The following VPS13B variants were observed in gnomAD, a reference collection of about 807,000 sequenced individuals.
VPS13B encodes the protein vacuolar protein sorting 13 homolog B.
In VPS13B, 285 loss-of-function variants were observed where a neutral mutation model predicts 426.4. The ratio of observed to expected loss-of-function variants is 0.67; its 90% CI spans 0.61 to 0.74. The LOEUF is 0.74. Among genes scored for constraint, VPS13B ranks in the 30% least tolerant of loss-of-function variants. The pLI is 0.00. For synonymous variants in VPS13B, 1,676 were observed against 1,676.4 expected, an observed-to-expected ratio of 1.00 and a Z score of 0.01; for missense variants, 4,537 against 4,782.6, an observed-to-expected ratio of 0.95 and a Z score of 1.51.
intron 27 of VPS13B, 108 bp downstream of exon 27, chr8:99,503,058 C>T: frequency 1.3e-6 from 1 of 781,994 alleles, no homozygotes; most frequent in Non-Finnish European, 2.2e-6. Flanking sequence ...AAATACTATA[C>T]AGGCATACCT....
At chr8:99,544,079 C>A (rs4735617) in intron 30 of VPS13B, among the ~76,000 whole-genome samples, 136,331 of 146,254 alleles carry the variant, frequency 0.93, 63,678 homozygotes, top group African/African-American at 0.98. Flanking sequence ...TCCAACAATG[C>A]TAGACTGGAT....
intron 25 of VPS13B, among the ~76,000 whole-genome samples, chr8:99,486,778 A>T (rs1267170314): frequency 6.6e-6 from 1 of 152,194 alleles, no homozygotes; most frequent in African/African-American, 2.4e-5. Context: ...ACATACTCCC[A>T]AGGACTGTTT....
intron 17 of VPS13B, chr8:99,234,588 G>C: frequency 2.4e-6 from 1 of 408,638 alleles, no homozygotes. Context: ...TTGTGCTGGC[G>C]AGAGTTGGGT....
intron 5 of VPS13B, among the ~76,000 whole-genome samples, chr8:99,105,254 T>C (rs999226993): frequency 3.9e-5 from 6 of 152,124 alleles, no homozygotes; most frequent in Non-Finnish European, 8.8e-5. Context: ...GCATCTTCTG[T>C]GGAAAGAAAT....
At position 99,192,766 on chromosome 8, in the gene VPS13B, A is replaced by G. The variant is rs1563594210; in HGVS notation, c.2334-110A>G. 4.5e-6 allele frequency: 5 copies of G among 1,123,262 alleles called. 1 individual carries two copies. Among genetic ancestry groups the G allele is most frequent in the Middle Eastern group, 5.3e-4 (2 of 3,772 alleles). 69.6% of individuals were successfully genotyped at this position (1,123,262 alleles called of 1,614,324 possible). On this transcript the variant is annotated intron_variant, in intron 16 of 61. Coordinates refer to ENST00000357162, the MANE Select transcript of VPS13B (RefSeq NM_152564.5). The stretch of plus-strand genomic sequence containing the variant: ...TTTTGTTTAAGTAGTATGTTTGCAT[A>G]CATACTTTGGATGTATACCCTTTCT...
chr8:99,861,444 G>A (rs1051083835), intron 57 of VPS13B, among the ~76,000 whole-genome samples: 2 of 152,178 alleles, frequency 1.3e-5, no homozygotes, highest in African/African-American at 4.8e-5. Context: ...TGAGACTACA[G>A]GTGTGCACCA....
intron 33 of VPS13B, among the ~76,000 whole-genome samples, chr8:99,615,802 C>A (rs913796427): frequency 6.6e-6 from 1 of 151,908 alleles, no homozygotes; most frequent in Non-Finnish European, 1.5e-5. Flanking sequence ...CCTTTCAGTT[C>A]GAGAATTCAG....
chr8:99,842,616 T>A (rs113258360), intron 54 of VPS13B, among the ~76,000 whole-genome samples: 104 of 152,228 alleles, frequency 6.8e-4, no homozygotes, highest in African/African-American at 2.5e-3. Context: ...CCCGTCTCTA[T>A]TTTTTAAAAA....
intron 43 of VPS13B, among the ~76,000 whole-genome samples, chr8:99,791,808 G>C (rs1199875987): frequency 6.6e-6 from 1 of 150,738 alleles, no homozygotes; most frequent in Non-Finnish European, 1.5e-5. Context: ...TTTTGAGCAA[G>C]TAATTTGCAG....
At position 99,431,616 on chromosome 8, in the gene VPS13B, G is replaced by A. The variant is rs776213275; in HGVS notation, c.3162G>A (p.Lys1054=). The change falls in exon 22 of 62, where the codon AAG becomes AAA. Residue 1054 remains lysine, a synonymous_variant. Coordinates refer to ENST00000357162, the MANE Select transcript of VPS13B (RefSeq NM_152564.5). The stretch of plus-strand genomic sequence containing the variant: ...GTAGAAGTCCTGAAGAAAGAATGAA[G>A]GAATTTATTGGAATTGTTTGGAATG... ...ESCRSPEERM[K]EFIGIVWNAV... The A allele has an allele frequency of 1.6e-5, 26 of 1,613,226 alleles. No homozygotes were observed. In the Admixed American group the frequency reaches 3.3e-4, roughly 21 times the overall value.
chr8:99,718,064 A>AT (rs1004030955), intron 37 of VPS13B, among the ~76,000 whole-genome samples: 3,069 of 144,916 alleles, frequency 0.021, 78 homozygotes, highest in African/African-American at 0.066. Flanking sequence ...GCCGGGTTGA[A>AT]TTTTTTTTTT....
intron 2 of VPS13B, among the ~76,000 whole-genome samples, chr8:99,028,150 C>G: frequency 6.6e-6 from 1 of 152,130 alleles, no homozygotes; most frequent in Non-Finnish European, 1.5e-5. Context: ...ATTTCTCAAT[C>G]TTTTCCCCAC....
At chr8:99,635,744 T>C (rs1049298251) in intron 33 of VPS13B, among the ~76,000 whole-genome samples, 1 of 152,022 alleles carries the variant, frequency 6.6e-6, no homozygotes, top group Non-Finnish European at 1.5e-5. Flanking sequence ...AATGTTGATA[T>C]GGCTGAACAA....
At chr8:99,268,623 A>G (rs1818423514) in intron 17 of VPS13B, among the ~76,000 whole-genome samples, 1 of 152,196 alleles carries the variant, frequency 6.6e-6, no homozygotes, top group Admixed American at 6.5e-5. Flanking sequence ...GTATTTGCCC[A>G]GTGTCTGTAC....
intron 31 of VPS13B, among the ~76,000 whole-genome samples, chr8:99,557,875 A>G (rs1249827623): frequency 6.6e-6 from 1 of 152,172 alleles, no homozygotes; most frequent in African/African-American, 2.4e-5. Flanking sequence ...ATACCTTTAT[A>G]TTGTAAAACT....
chr8:99,639,875 A>G (rs948352582), intron 33 of VPS13B, among the ~76,000 whole-genome samples: 112 of 148,674 alleles, frequency 7.5e-4, no homozygotes, highest in African/African-American at 2.4e-3. Flanking sequence ...GAAGGCTGAA[A>G]TGGGAGGCTT....
At chr8:99,427,507 G>T (rs1341717129) in intron 21 of VPS13B, among the ~76,000 whole-genome samples, 1 of 151,832 alleles carries the variant, frequency 6.6e-6, no homozygotes, top group Non-Finnish European at 1.5e-5. Context: ...CAAACAGAGA[G>T]TCAAATCCTG....
chr8:99,871,826 C>T lies in VPS13B; in HGVS notation c.11745+129C>T, dbSNP rs796084955. ...GGCTGCTGGAGACCAAGGAGAGCTG[C>T]TACCCAGAGGAGGAAGTGTAGAGGC... On this transcript the variant is annotated intron_variant, in intron 61 of 61. Transcript: ENST00000357162. 9.1e-6 allele frequency: 14 copies of T among 1,531,678 alleles called. No individual in the cohort carries two copies. The South Asian group carries it at 1.0e-4, about 11-fold the overall frequency. 94.9% of individuals were successfully genotyped at this position (1,531,678 alleles called of 1,614,324 possible).
intron 35 of VPS13B, among the ~76,000 whole-genome samples, chr8:99,685,808 G>C: frequency 6.6e-6 from 1 of 152,144 alleles, no homozygotes; most frequent in East Asian, 1.9e-4. Context: ...TTCTCTGTCT[G>C]AAAGAAAGGT....
Sources: allele counts gnomAD v4.1 joint callset (sites outside exome capture counted in the v4.1 genomes callset), GRCh38; gene constraint gnomAD v4.1.1; transcripts MANE v1.5; gene names NCBI Gene and HGNC (gene_info 2026-07-23, HGNC 2026-07-21).